Variants in ITGBL1 observed in about 807,000 individuals in gnomAD.
ITGBL1 encodes integrin beta-like protein 1.
Under a neutral mutation model 68.5 loss-of-function variants are expected in ITGBL1, and 51 were observed. The ratio of observed to expected loss-of-function variants is 0.74; its 90% CI spans 0.59 to 0.94. The LOEUF (loss-of-function observed/expected upper bound fraction) is 0.94. ITGBL1 is among the 40% of genes least tolerant of loss of function. The pLI is 0.00. For synonymous variants in ITGBL1, 209 were observed against 227.3 expected, an observed-to-expected ratio of 0.92 and a Z score of 0.72; for missense variants, 649 against 647.4, an observed-to-expected ratio of 1.00 and a Z score of -0.03.
At chr13:101,497,737 T>C (rs2048877500) in intron 2 of ITGBL1, among the ~76,000 whole-genome samples, 1 of 152,226 alleles carries the variant, frequency 6.6e-6, no homozygotes, top group African/African-American at 2.4e-5. Context: ...CATGTCACGC[T>C]CCTTAAGGGC....
intron 2 of ITGBL1, among the ~76,000 whole-genome samples, chr13:101,503,089 C>A (rs552598134): frequency 3.9e-5 from 6 of 152,160 alleles, no homozygotes; most frequent in Non-Finnish European, 7.3e-5. Context: ...CTGTGTTCCA[C>A]CAGCCAGATG....
intron 2 of ITGBL1, among the ~76,000 whole-genome samples, chr13:101,473,427 A>T (rs2048490741): frequency 6.6e-6 from 1 of 152,184 alleles, no homozygotes; most frequent in East Asian, 1.9e-4. Context: ...AAGGGGCAGG[A>T]TTCAGCTGAT....
chr13:101,673,103 T>C (rs1169806971), intron 7 of ITGBL1, among the ~76,000 whole-genome samples: 5 of 152,214 alleles, frequency 3.3e-5, no homozygotes, highest in African/African-American at 4.8e-5. Context: ...GTTGACAATT[T>C]CATGCTGGGA....
In ITGBL1 at chr13:101,692,717, A is replaced by G. The variant is rs1262546898; in HGVS notation, c.1132+16A>G. On this transcript the variant is annotated intron_variant, in intron 8 of 10. Coordinates refer to ENST00000376180, the MANE Select transcript of ITGBL1 (RefSeq NM_004791.3). ...GTCTGTGGAGGTAGTAACCTTTCTCATAGCTGTATGCTACCTGCATGCAAC... is the reference window on the plus strand; with the variant it reads ...GTCTGTGGAGGTAGTAACCTTTCTCGTAGCTGTATGCTACCTGCATGCAAC... 2.3e-5 allele frequency: 35 copies of G among 1,513,848 alleles called. No individual in the cohort carries two copies. The highest frequency in any genetic ancestry group is 3.2e-5 in the Non-Finnish European group (35 of 1,088,834). 93.8% of individuals were successfully genotyped at this position (1,513,848 alleles called of 1,614,324 possible).
chr13:101,519,146 A>G (rs2139129234), intron 2 of ITGBL1, among the ~76,000 whole-genome samples: 1 of 152,248 alleles, frequency 6.6e-6, no homozygotes, highest in South Asian at 2.1e-4. Flanking sequence ...GAGCCTGGAA[A>G]TATTTTGAAA....
At chr13:101,515,086 A>G (rs1019539033) in intron 2 of ITGBL1, among the ~76,000 whole-genome samples, 6 of 152,138 alleles carry the variant, frequency 3.9e-5, no homozygotes, top group Non-Finnish European at 8.8e-5. Flanking sequence ...AATTTGGGAT[A>G]CTCAACACTT....
intron 2 of ITGBL1, among the ~76,000 whole-genome samples, chr13:101,513,100 G>A (rs1407748962): frequency 6.6e-6 from 1 of 152,078 alleles, no homozygotes; most frequent in East Asian, 1.9e-4. Context: ...AACAGCCTTT[G>A]AGTGTACAGT....
At chr13:101,637,622 C>T (rs1192484757) in intron 7 of ITGBL1, among the ~76,000 whole-genome samples, 1 of 152,148 alleles carries the variant, frequency 6.6e-6, no homozygotes, top group African/African-American at 2.4e-5. Flanking sequence ...GGATTACAGG[C>T]GTGAGCCACC....
At chr13:101,683,858 A>G (rs2033697089) in intron 7 of ITGBL1, among the ~76,000 whole-genome samples, 2 of 151,894 alleles carry the variant, frequency 1.3e-5, no homozygotes, top group South Asian at 2.1e-4. Context: ...TGGCCATACA[A>G]TCCCATTTGC....
chr13:101,682,815 A>G (rs181554515), intron 7 of ITGBL1, among the ~76,000 whole-genome samples: 5 of 152,112 alleles, frequency 3.3e-5, no homozygotes, highest in African/African-American at 9.6e-5. Context: ...TGAATATTTT[A>G]TGGTCAAATT....
chr13:101,564,490 G>A (rs563849298), intron 2 of ITGBL1, among the ~76,000 whole-genome samples: 2 of 151,032 alleles, frequency 1.3e-5, no homozygotes, highest in African/African-American at 4.9e-5. Flanking sequence ...CAGGAGATAC[G>A]TACATATATA....
At chr13:101,610,309 A>G (rs1332599880) in intron 7 of ITGBL1, among the ~76,000 whole-genome samples, 1 of 152,118 alleles carries the variant, frequency 6.6e-6, no homozygotes, top group Non-Finnish European at 1.5e-5. Context: ...TCTTTCTAAT[A>G]GAAAACCAAT....
At chr13:101,456,892 G>C (rs1197643818) in intron 2 of ITGBL1, among the ~76,000 whole-genome samples, 2 of 152,098 alleles carry the variant, frequency 1.3e-5, no homozygotes, top group Non-Finnish European at 2.9e-5. Flanking sequence ...TCTAGCCTAG[G>C]AAACAAGAAT....
chr13:101,612,770 C>A (rs143707357), intron 7 of ITGBL1, among the ~76,000 whole-genome samples: 1 of 152,014 alleles, frequency 6.6e-6, no homozygotes, highest in South Asian at 2.1e-4. Context: ...GAGCACAGGG[C>A]GACACTATTC....
intron 7 of ITGBL1, among the ~76,000 whole-genome samples, chr13:101,651,709 A>C (rs1228682058): frequency 2.0e-5 from 3 of 151,976 alleles, no homozygotes; most frequent in Non-Finnish European, 4.4e-5. Flanking sequence ...CTTTTGTTGC[A>C]ATTGCTTTTG....
At chr13:101,509,144 G>A (rs1393079281) in intron 2 of ITGBL1, among the ~76,000 whole-genome samples, 1 of 152,146 alleles carries the variant, frequency 6.6e-6, no homozygotes, top group Non-Finnish European at 1.5e-5. Flanking sequence ...CAATCATGGT[G>A]GAAGGCAAGG....
intron 7 of ITGBL1, among the ~76,000 whole-genome samples, chr13:101,637,731 C>T (rs1021555095): frequency 1.3e-5 from 2 of 152,160 alleles, no homozygotes; most frequent in Non-Finnish European, 2.9e-5. Context: ...CCAACTCTCT[C>T]TTTTACCTTT....
At chr13:101,677,093 C>T in intron 7 of ITGBL1, among the ~76,000 whole-genome samples, 1 of 152,160 alleles carries the variant, frequency 6.6e-6, no homozygotes, top group Non-Finnish European at 1.5e-5. Flanking sequence ...CACTGCACTC[C>T]AGCCTGGGCG....
intron 7 of ITGBL1, among the ~76,000 whole-genome samples, chr13:101,680,982 G>A (rs574611718): frequency 1.3e-5 from 2 of 152,172 alleles, no homozygotes; most frequent in East Asian, 1.9e-4. Context: ...AACCCTGCAG[G>A]CCCTGTGTGC....
Sources: gnomAD v4.1 joint callset for allele counts (sites outside exome capture counted in the v4.1 genomes callset) on GRCh38, gnomAD v4.1.1 for gene constraint, MANE v1.5 for transcripts, NCBI Gene and HGNC (gene_info 2026-07-23, HGNC 2026-07-21) for gene names.